SVEP1: variants seen among roughly 807,000 people sequenced by gnomAD.
SVEP1 encodes sushi, von Willebrand factor type A, EGF and pentraxin domain-containing protein 1.
Under a neutral mutation model 367.3 loss-of-function variants are expected in SVEP1, and 164 were observed. The ratio of observed to expected loss-of-function variants is 0.45; its 90% CI spans 0.39 to 0.51. The LOEUF is 0.51. Ranked by LOEUF, SVEP1 falls within the 20% of genes least tolerant of loss-of-function variation. The probability of loss-of-function intolerance (pLI) is 0.00; values close to 1 mark genes in which losing one functional copy is unlikely to be tolerated. For synonymous variants in SVEP1, 1,666 were observed against 1,611.6 expected, an observed-to-expected ratio of 1.03 and a Z score of -0.81; for missense variants, 4,117 against 4,425.3, an observed-to-expected ratio of 0.93 and a Z score of 1.98.
intron 3 of SVEP1, among the ~76,000 whole-genome samples, chr9:110,534,135 C>A (rs191044424): frequency 6.6e-6 from 1 of 152,090 alleles, no homozygotes; most frequent in African/African-American, 2.4e-5. Flanking sequence ...AGGTACTGAG[C>A]CTAGTACCCA....
chr9:110,562,931 A>G (rs1830449626), intron 1 of SVEP1, among the ~76,000 whole-genome samples: 1 of 152,140 alleles, frequency 6.6e-6, no homozygotes. Flanking sequence ...ACCTCAGGTG[A>G]TCCAACTGCT....
rs759987149 is a variant in SVEP1, at chr9:110,411,374, T to C, written c.6337A>G (p.Met2113Val). Residue 2113 changes from methionine to valine, a missense_variant, in exon 37 of 48, where the codon ATG (methionine) becomes GTG (valine). Physicochemically the swap from Met to Val is conservative, Grantham distance 21 (BLOSUM62 1). This residue lies in a region of SVEP1 where 2,174 missense variants were observed against 2,494.3 expected (regional missense o/e 0.87). Coordinates refer to ENST00000374469, the MANE Select transcript of SVEP1 (RefSeq NM_153366.4). ...AAGSVVSFKC[M>V]EGFVLNTSAK... ...GAGGTGTTCAGTACAAAGCCTTCCA[T>C]GCATTTAAAGCTCACAACTGAGCCA... 6 of 1,613,926 alleles carry C rather than the reference T, an allele frequency of 3.7e-6. No individual in the cohort carries two copies. The highest frequency in any genetic ancestry group is 2.2e-5 in the East Asian group (1 of 44,898).
At position 110,423,955 on chromosome 9, in the gene SVEP1, A is replaced by C. The variant is rs1828214214; in HGVS notation, c.5975+3636T>G. Among the ~76,000 whole-genome samples, 5 of 152,330 alleles carry C rather than the reference A, an allele frequency of 3.3e-5. No homozygotes were observed. In the South Asian group the frequency reaches 1.0e-3, roughly 32 times the overall value. ...GGAAGAAACAATGGGAAAACCTTAA[A>C]CAATGATGAAATTGGAAAGAAGAAT... On this transcript the variant is annotated intron_variant, in intron 36 of 47. Transcript: ENST00000374469.
At chr9:110,533,412 G>C (rs1830044240) in intron 3 of SVEP1, among the ~76,000 whole-genome samples, 1 of 152,190 alleles carries the variant, frequency 6.6e-6, no homozygotes, top group Non-Finnish European at 1.5e-5. Context: ...GAAAAACACA[G>C]TAGGTGACAG....
intron 31 of SVEP1, among the ~76,000 whole-genome samples, 194 bp from the exon 32 acceptor site, chr9:110,432,228 G>A (rs1031719406): frequency 6.6e-6 from 1 of 152,148 alleles, no homozygotes; most frequent in East Asian, 1.9e-4. Flanking sequence ...GTTTATAGGT[G>A]GGCAAGTATA....
chr9:110,541,842 GATATCTATATATATCTATATACATAGATA>G (rs1564171839), intron 3 of SVEP1, among the ~76,000 whole-genome samples: 1 of 126,748 alleles, frequency 7.9e-6, no homozygotes, highest in African/African-American at 3.0e-5. Context: ...TATATACATA[GATATCTATATATATCTATATACATAGATA>G]TCTATATATA....
At chr9:110,393,063 TG>T (rs1827689501) in intron 40 of SVEP1, among the ~76,000 whole-genome samples, 1 of 152,218 alleles carries the variant, frequency 6.6e-6, no homozygotes, top group African/African-American at 2.4e-5. Flanking sequence ...CAATCACTAT[TG>T]CACCTTTCTC....
At chr9:110,443,285 C>A (rs371075300) in intron 27 of SVEP1, 1 of 363,274 alleles carries the variant, frequency 2.8e-6, no homozygotes, top group South Asian at 1.1e-4. Flanking sequence ...GTTTAGCAAC[C>A]AGCTGCTAAT....
intron 18 of SVEP1, among the ~76,000 whole-genome samples, chr9:110,465,181 T>C (rs1156993481): frequency 6.6e-6 from 1 of 152,068 alleles, no homozygotes; most frequent in Non-Finnish European, 1.5e-5. Context: ...TCAAAGACCC[T>C]GGAGGTAAGG....
chr9:110,575,532 T>A (rs1170556591), intron 1 of SVEP1, among the ~76,000 whole-genome samples: 1 of 152,156 alleles, frequency 6.6e-6, no homozygotes, highest in Non-Finnish European at 1.5e-5. Context: ...ATACCCTGCC[T>A]GGCGCGACTG....
In SVEP1 at chr9:110,411,186, C is replaced by T; in HGVS notation, c.6525G>A (p.Gly2175=). The T allele has an allele frequency of 6.2e-7, 1 of 1,614,026 alleles. No individual in the cohort carries two copies. Residue 2175 remains glycine (G), a synonymous_variant, in exon 37 of 48, where the codon GGG becomes GGA. Coordinates refer to ENST00000374469, the MANE Select transcript of SVEP1 (RefSeq NM_153366.4). ...TCTTCTTTTCCCCTTTGATGTAGAACCCCTTGTTGCAGCTGTAAGCCACCA... is the reference window on the plus strand; with the variant it reads ...TCTTCTTTTCCCCTTTGATGTAGAATCCCTTGTTGCAGCTGTAAGCCACCA... The part of the protein sequence containing the change: ...GAMVAYSCNK[G]FYIKGEKKST...
At chr9:110,410,199 A>G (rs891335987) in intron 37 of SVEP1, among the ~76,000 whole-genome samples, 4 of 152,220 alleles carry the variant, frequency 2.6e-5, no homozygotes, top group Non-Finnish European at 5.9e-5. Context: ...TACTGTGTAT[A>G]TATGTGGGTT....
At chr9:110,514,970 G>C (rs544488071) in intron 3 of SVEP1, among the ~76,000 whole-genome samples, 1 of 152,102 alleles carries the variant, frequency 6.6e-6, no homozygotes. Context: ...TAATCCAACC[G>C]ACAGGAACTA....
chr9:110,409,963 C>G (rs184355723), intron 37 of SVEP1, among the ~76,000 whole-genome samples: 3 of 152,206 alleles, frequency 2.0e-5, no homozygotes, highest in African/African-American at 7.2e-5. Flanking sequence ...GTCGCTGATT[C>G]TCAGAACTGT....
At chr9:110,508,346 T>C (rs1829655209) in intron 5 of SVEP1, among the ~76,000 whole-genome samples, 1 of 152,174 alleles carries the variant, frequency 6.6e-6, no homozygotes, top group Admixed American at 6.5e-5. Context: ...GTGATATCTA[T>C]TACTGAAAAT....
At chr9:110,445,670 T>C (rs1828580902) in intron 26 of SVEP1, among the ~76,000 whole-genome samples, 167 bp downstream of exon 26, 1 of 152,158 alleles carries the variant, frequency 6.6e-6, no homozygotes, top group Non-Finnish European at 1.5e-5. Flanking sequence ...TCACTAAAAA[T>C]TTACGTTCTT....
At chr9:110,560,048 C>T (rs763851510) in intron 1 of SVEP1, among the ~76,000 whole-genome samples, 6 of 152,064 alleles carry the variant, frequency 3.9e-5, no homozygotes, top group Non-Finnish European at 8.8e-5. Context: ...CACTCATGTA[C>T]CACATAATGA....
intron 1 of SVEP1, among the ~76,000 whole-genome samples, chr9:110,565,782 C>T (rs1032672058): frequency 6.6e-6 from 1 of 151,870 alleles, no homozygotes; most frequent in Admixed American, 6.6e-5. Context: ...TCATGGCTGC[C>T]GTTTCTGCCT....
At chr9:110,425,690 C>T (rs565704371) in intron 36 of SVEP1, among the ~76,000 whole-genome samples, 3 of 152,216 alleles carry the variant, frequency 2.0e-5, no homozygotes, top group Non-Finnish European at 4.4e-5. Flanking sequence ...TTTAGATAAA[C>T]GTTAGGCAGA....
Sources: allele counts gnomAD v4.1 joint callset (sites outside exome capture counted in the v4.1 genomes callset), GRCh38; gene constraint gnomAD v4.1.1; regional missense constraint gnomAD v4.1.1; transcripts MANE v1.5; gene names NCBI Gene and HGNC (gene_info 2026-07-23, HGNC 2026-07-21).